PLAGL1: variants seen among roughly 807,000 people sequenced by gnomAD.
PLAGL1 encodes the protein zinc finger protein PLAGL1.
PLAGL1 carries 1 observed loss-of-function variant against 4.6 expected under a neutral mutation model. The observed-to-expected ratio is 0.22, with a 90% CI of 0.08 to 1.03. The LOEUF (loss-of-function observed/expected upper bound fraction) is 1.03, where lower values mean the gene tolerates loss of function less well. Among genes scored for constraint, PLAGL1 ranks in the 50% least tolerant of loss-of-function variants. The pLI is 0.58. For missense variants in PLAGL1, 464 were observed against 570.4 expected (o/e 0.81, Z 1.90); for synonymous variants, 240 against 237.8 (o/e 1.01, Z -0.08).
In PLAGL1 at chr6:143,983,747, T is replaced by C. The variant is rs1429057461; in HGVS notation, c.-544+1388A>G. On this transcript the variant is annotated intron_variant, in intron 2 of 7. Transcript: ENST00000674357. This position sits in a 1 kb window ranked among gnomAD's most constrained non-coding sequence, Gnocchi z 6.6. ...AGTGTGCTGCAGTGTAAAAGTTGTA[T>C]GTCTAGGTGGAGTTAAAAATGTGTT... Among the ~76,000 whole-genome samples the C allele has an allele frequency of 6.6e-6, 1 of 152,054 alleles. No individual in the cohort carries two copies. Among genetic ancestry groups the C allele is most frequent in the Non-Finnish European group, 1.5e-5 (1 of 67,992 alleles).
chr6:144,062,057 T>C (rs1254656468), intron 1 of PLAGL1, among the ~76,000 whole-genome samples: 1 of 152,158 alleles, frequency 6.6e-6, no homozygotes, highest in Non-Finnish European at 1.5e-5. Flanking sequence ...GAAGATGAAA[T>C]GACAGAATGC....
chr6:144,062,456 G>A (rs1336740870), intron 1 of PLAGL1, among the ~76,000 whole-genome samples: 2 of 103,482 alleles, frequency 1.9e-5, no homozygotes, highest in Non-Finnish European at 3.6e-5. Context: ...AATTACACTA[G>A]AATGTTATCA....
intron 2 of PLAGL1, among the ~76,000 whole-genome samples, chr6:143,977,567 A>G (rs1191490520): frequency 2.6e-4 from 36 of 140,082 alleles, no homozygotes; most frequent in African/African-American, 9.5e-4. Flanking sequence ...TCCACCTCCC[A>G]GGTTAAAGCA....
chr6:144,020,947 A>C (rs71564459), intron 1 of PLAGL1, among the ~76,000 whole-genome samples: 1 of 148,732 alleles, frequency 6.7e-6, no homozygotes, highest in African/African-American at 2.5e-5. Context: ...CATATATATA[A>C]CAAATATATG....
At chr6:143,999,295 T>A (rs989940258) in intron 1 of PLAGL1, among the ~76,000 whole-genome samples, 2 of 152,174 alleles carry the variant, frequency 1.3e-5, no homozygotes, top group Non-Finnish European at 2.9e-5. Context: ...GACCCCTAAG[T>A]TCCTCGAGAG....
upstream of PLAGL1, among the ~76,000 whole-genome samples, chr6:144,009,980 C>T (rs1239027195): frequency 6.6e-6 from 1 of 152,120 alleles, no homozygotes; most frequent in Non-Finnish European, 1.5e-5. Context: ...AATAAACATA[C>T]GTGTGCATGT....
intron 1 of PLAGL1, among the ~76,000 whole-genome samples, chr6:144,043,308 G>T (rs1463335564): frequency 6.6e-6 from 1 of 152,092 alleles, no homozygotes; most frequent in African/African-American, 2.4e-5. Context: ...ATTGGCTGTG[G>T]GTTTGTCATA....
At chr6:143,986,996 G>C (rs1299706136) in intron 1 of PLAGL1, among the ~76,000 whole-genome samples, 1 of 152,038 alleles carries the variant, frequency 6.6e-6, no homozygotes, top group African/African-American at 2.4e-5. Flanking sequence ...ATCTTCCACA[G>C]GAAGATACAT....
rs61216054 is a variant in PLAGL1, at chr6:143,943,031, A to ATTTTTTTTTTTTTTTT, written c.153-384_153-369dup. On this transcript the variant is annotated intron_variant, in intron 7 of 7. Coordinates refer to ENST00000674357, the MANE Select transcript of PLAGL1 (RefSeq NM_001317162.2). ...AGGCACACACCACCAGGCCTGGCTA[A>ATTTTTTTTTTTTTTTT]TTTTTTTTTTTTTTTTTTTGAGACA... Among the ~76,000 whole-genome samples, 229 of 64,626 alleles carry ATTTTTTTTTTTTTTTT rather than the reference A, an allele frequency of 3.5e-3. 39 individuals are homozygous for ATTTTTTTTTTTTTTTT. The highest frequency in any genetic ancestry group is 4.3e-3 in the African/African-American group (82 of 19,102). The allele number at this position is 64,626 out of a possible 152,430, so 42.4% of individuals were successfully genotyped here. A position where few individuals can be genotyped will look rare whatever the true frequency, so the allele number is the denominator to read the frequency against.
Position 144,027,812 on chromosome 6 carries a change from A to G in PLAGL1, c.-151+36656T>C, listed in dbSNP as rs1796479559. ...TTATATATCCATTCTAATAATCTCC[A>G]TTTCTCCAGTCTTGCAAATATGTGC... On this transcript the variant is annotated intron_variant, in intron 1 of 3. Coordinates refer to the PLAGL1 transcript ENST00000437412. This position sits in a 1 kb window ranked among gnomAD's most constrained non-coding sequence, Gnocchi z 5.8. 6.6e-6 allele frequency among the ~76,000 whole-genome samples: 1 copy of G among 152,186 alleles called. No homozygotes were observed. Among genetic ancestry groups the G allele is most frequent in the African/African-American group, 2.4e-5 (1 of 41,452 alleles).
At chr6:144,042,497 T>C (rs895478561) in intron 1 of PLAGL1, among the ~76,000 whole-genome samples, 3 of 152,214 alleles carry the variant, frequency 2.0e-5, no homozygotes, top group Non-Finnish European at 4.4e-5. Context: ...TGTGTGCTGT[T>C]ATTTCTGAGG....
At chr6:143,974,209 A>G (rs1052809230) in intron 2 of PLAGL1, among the ~76,000 whole-genome samples, 6 of 152,344 alleles carry the variant, frequency 3.9e-5, no homozygotes, top group African/African-American at 1.4e-4. Context: ...CCTTCATTTC[A>G]TTGTGCTCCG....
rs540967266 is a variant in PLAGL1, at chr6:144,039,706, T to C, written c.-151+24762A>G. The stretch of plus-strand genomic sequence containing the variant: ...ATAGCACAACCACTTTGATCAATAA[T>C]TTGTAATAGTCAGTGAATACAAAGG... On this transcript the variant is annotated intron_variant, in intron 1 of 3. Coordinates refer to the PLAGL1 transcript ENST00000437412. The surrounding 1 kb of genome is among the most constrained non-coding windows in gnomAD (Gnocchi z 4.1). 6.6e-5 allele frequency among the ~76,000 whole-genome samples: 10 copies of C among 152,312 alleles called. No individual in the cohort carries two copies. Among genetic ancestry groups the C allele is most frequent in the African/African-American group, 2.4e-4 (10 of 41,570 alleles).
chr6:144,026,071 C>A (rs1198995424), intron 1 of PLAGL1, among the ~76,000 whole-genome samples: 1 of 152,140 alleles, frequency 6.6e-6, no homozygotes, highest in East Asian at 1.9e-4. Flanking sequence ...ATTACTTTCC[C>A]AACCCATTCA....
At chr6:143,991,557 A>G (rs1790482208) in intron 1 of PLAGL1, among the ~76,000 whole-genome samples, 2 of 152,200 alleles carry the variant, frequency 1.3e-5, no homozygotes, top group African/African-American at 4.8e-5. Context: ...GCACTCGCTC[A>G]GCACTGCCCT....
Position 143,978,429 on chromosome 6 carries a change from GTTA to G in PLAGL1, c.-544+6703_-544+6705del, listed in dbSNP as rs2128600133. Among the ~76,000 whole-genome samples the G allele has an allele frequency of 6.6e-6, 1 of 152,126 alleles. No homozygotes were observed. The highest frequency in any genetic ancestry group is 2.1e-4 in the South Asian group (1 of 4,818). ...CTTGAGATTTTTCTTTGATCCATGG[GTTA>G]TTTAGAAGCATACTGTTTAATTTCC... On this transcript the variant is annotated intron_variant, in intron 2 of 7. Transcript: ENST00000674357. This position sits in a 1 kb window ranked among gnomAD's most constrained non-coding sequence, Gnocchi z 4.6.
intron 1 of PLAGL1, among the ~76,000 whole-genome samples, chr6:144,044,933 T>C (rs1798015164): frequency 6.6e-6 from 1 of 151,960 alleles, no homozygotes. Context: ...GTAATGGCCT[T>C]CTTTGTCTCT....
At position 143,942,725 on chromosome 6, in the gene PLAGL1, G is replaced by T; in HGVS notation, c.153-62C>A. ...GTTTTAAGAGCTGAAGAAAGGTGTA[G>T]CAACAATATTATATCAAAATGTTAA... On this transcript the variant is annotated intron_variant, in intron 7 of 7. Coordinates refer to ENST00000674357, the MANE Select transcript of PLAGL1 (RefSeq NM_001317162.2). This position sits in a 1 kb window ranked among gnomAD's most constrained non-coding sequence, Gnocchi z 7.6. 8.3e-7 allele frequency: 1 copy of T among 1,207,594 alleles called. No homozygotes were observed. Among genetic ancestry groups the T allele is most frequent in the Non-Finnish European group, 1.2e-6 (1 of 854,024 alleles). The allele number at this position is 1,207,594 out of a possible 1,614,324, so 74.8% of individuals were successfully genotyped here.
In PLAGL1 at chr6:143,968,276, C is replaced by T. The variant is rs539871587; in HGVS notation, c.-472+631G>A. 6.6e-6 allele frequency: 1 copy of T among 152,122 alleles called. No individual in the cohort carries two copies. The highest frequency in any genetic ancestry group is 1.5e-5 in the Non-Finnish European group (1 of 67,992). 9.4% of individuals were successfully genotyped at this position (152,122 alleles called of 1,614,324 possible). ...AAAACTTCTGATGTATAATGGGGAC[C>T]CTGCCAACCATGAATTCCCTCAAAT... On this transcript the variant is annotated intron_variant, in intron 3 of 7. Coordinates refer to ENST00000674357, the MANE Select transcript of PLAGL1 (RefSeq NM_001317162.2). This position sits in a 1 kb window ranked among gnomAD's most constrained non-coding sequence, Gnocchi z 6.3.
Sources: gnomAD v4.1 joint callset for allele counts (sites outside exome capture counted in the v4.1 genomes callset) on GRCh38, gnomAD v4.1.1 for gene constraint, Gnocchi (gnomAD v3.1) non-coding constraint, MANE v1.5 for transcripts, NCBI Gene and HGNC (gene_info 2026-07-23, HGNC 2026-07-21) for gene names.